PRKN: variants seen among roughly 807,000 people sequenced by gnomAD.
The protein encoded by PRKN is parkin RBR E3 ubiquitin protein ligase.
PRKN carries 56 observed loss-of-function variants against 59.5 expected under a neutral mutation model. The observed-to-expected ratio is 0.94, with a 90% confidence interval of 0.76 to 1.18. The LOEUF is 1.18. Among genes scored for constraint, PRKN ranks in the 50% most tolerant of loss-of-function variants. The pLI, the probability that PRKN is intolerant of heterozygous loss-of-function variation, is 0.00. For missense variants in PRKN, 657 were observed against 596.4 expected (o/e 1.10, Z -1.06); for synonymous variants, 250 against 222.1 (o/e 1.13, Z -1.12).
At chr6:162,450,787 G>C (rs1790589390) in intron 1 of PRKN, among the ~76,000 whole-genome samples, 7 of 152,204 alleles carry the variant, frequency 4.6e-5, no homozygotes, top group Admixed American at 4.6e-4. Context: ...TAAATGCAAT[G>C]TGGTAGCCTG....
intron 4 of PRKN, among the ~76,000 whole-genome samples, chr6:162,077,228 C>A: frequency 6.6e-6 from 1 of 152,118 alleles, no homozygotes; most frequent in East Asian, 1.9e-4. Flanking sequence ...TTACTGTTAC[C>A]TACAGCATTC....
chr6:162,108,956 C>G (rs1233283760), intron 4 of PRKN, among the ~76,000 whole-genome samples: 1 of 152,192 alleles, frequency 6.6e-6, no homozygotes, highest in African/African-American at 2.4e-5. Flanking sequence ...ACTGAAGTGG[C>G]GGTGTACAGC....
intron 7 of PRKN, among the ~76,000 whole-genome samples, chr6:161,715,197 T>C (rs920014636): frequency 1.6e-4 from 24 of 152,216 alleles, no homozygotes; most frequent in African/African-American, 5.5e-4. Context: ...AGGTCCATCA[T>C]TCACTGATAT....
At chr6:161,937,171 C>T (rs1371476975) in intron 6 of PRKN, among the ~76,000 whole-genome samples, 1 of 152,208 alleles carries the variant, frequency 6.6e-6, no homozygotes, top group African/African-American at 2.4e-5. Context: ...GGTTAAATGC[C>T]AGCAGCCTCA....
chr6:162,512,436 C>A (rs998330917), intron 1 of PRKN, among the ~76,000 whole-genome samples: 4 of 152,204 alleles, frequency 2.6e-5, no homozygotes, highest in African/African-American at 9.7e-5. Context: ...ATGCAACTCA[C>A]ATTTTCAGCT....
intron 4 of PRKN, among the ~76,000 whole-genome samples, chr6:162,112,164 A>G (rs539735623): frequency 6.6e-6 from 1 of 152,348 alleles, no homozygotes; most frequent in African/African-American, 2.4e-5. Context: ...GAAAACTCGA[A>G]TATCTTTGCA....
chr6:161,594,540 C>T (rs970769895), intron 7 of PRKN, among the ~76,000 whole-genome samples: 1 of 152,164 alleles, frequency 6.6e-6, no homozygotes, highest in African/African-American at 2.4e-5. Context: ...TATTTTCTCT[C>T]AGATTTTTGT....
chr6:162,153,109 C>T (rs1161926087), intron 4 of PRKN, among the ~76,000 whole-genome samples: 1 of 152,148 alleles, frequency 6.6e-6, no homozygotes, highest in Non-Finnish European at 1.5e-5. Context: ...AGTATTGATG[C>T]AGGATATTTT....
chr6:161,761,695 C>G (rs1789208675), intron 7 of PRKN, among the ~76,000 whole-genome samples: 1 of 152,166 alleles, frequency 6.6e-6, no homozygotes, highest in Admixed American at 6.5e-5. Context: ...GAGCTATAAT[C>G]AGAAAACAGA....
chr6:162,492,956 C>CA lies in PRKN; in HGVS notation c.8-49484dup, dbSNP rs34716532. On this transcript the variant is annotated intron_variant, in intron 1 of 11. Coordinates refer to ENST00000366898, the MANE Select transcript of PRKN (RefSeq NM_004562.3). ...CAACAGAGCGAGACTTTGTCTCAAA[C>CA]AAAAAAAAAAAAAAAAAAAAAGAAG... 9.2e-4 allele frequency among the ~76,000 whole-genome samples: 101 copies of CA among 110,318 alleles called. 1 individual carries two copies. The highest frequency in any genetic ancestry group is 2.5e-3 in the South Asian group (8 of 3,196). 72.4% of individuals were successfully genotyped at this position (110,318 alleles called of 152,430 possible). A position where few individuals can be genotyped will look rare whatever the true frequency, so the allele number is the denominator to read the frequency against.
At chr6:162,201,730 T>C (rs1784740325) in intron 3 of PRKN, among the ~76,000 whole-genome samples, 1 of 152,118 alleles carries the variant, frequency 6.6e-6, no homozygotes, top group Non-Finnish European at 1.5e-5. Flanking sequence ...TTTGCTGGGC[T>C]TCTAGGGTTG....
At chr6:162,702,087 G>C (rs982197909) in intron 1 of PRKN, among the ~76,000 whole-genome samples, 2 of 151,968 alleles carry the variant, frequency 1.3e-5, no homozygotes, top group African/African-American at 2.4e-5. Context: ...AAAATAGGAG[G>C]TGAAAACTAT....
At position 161,488,447 on chromosome 6, in the gene PRKN, G is replaced by C. The variant is rs755697483; in HGVS notation, c.1083+60407C>G. 6.6e-6 allele frequency among the ~76,000 whole-genome samples: 1 copy of C among 152,182 alleles called. No individual in the cohort carries two copies. Among genetic ancestry groups the C allele is most frequent in the East Asian group, 1.9e-4 (1 of 5,192 alleles). ...TTTAAGTAATGTTCACAGAGGAGCA[G>C]AGAAGATAACAGAGACCGAGAAGGA... On this transcript the variant is annotated intron_variant, in intron 9 of 11. Transcript: ENST00000366898. The surrounding 1 kb of genome is among the most constrained non-coding windows in gnomAD (Gnocchi z 4.5).
At chr6:162,196,484 A>C (rs1784501889) in intron 4 of PRKN, among the ~76,000 whole-genome samples, 1 of 152,208 alleles carries the variant, frequency 6.6e-6, no homozygotes, top group South Asian at 2.1e-4. Context: ...TCAGTGGATG[A>C]CTTTTGAAGA....
At chr6:162,428,966 C>G (rs1360340869) in intron 2 of PRKN, among the ~76,000 whole-genome samples, 1 of 152,214 alleles carries the variant, frequency 6.6e-6, no homozygotes, top group Non-Finnish European at 1.5e-5. Flanking sequence ...CCAAGAGAAG[C>G]TTTTCCTAAA....
intron 1 of PRKN, among the ~76,000 whole-genome samples, chr6:162,688,515 C>T (rs1428871032): frequency 2.6e-5 from 4 of 152,104 alleles, no homozygotes; most frequent in Admixed American, 6.5e-5. Flanking sequence ...ATCAATAGTA[C>T]TAGATAATAA....
chr6:162,221,971 T>C (rs1777954356), intron 3 of PRKN, among the ~76,000 whole-genome samples: 1 of 152,176 alleles, frequency 6.6e-6, no homozygotes, highest in South Asian at 2.1e-4. Context: ...ATACACTTTC[T>C]AAGATGACGT....
chr6:162,069,086 G>T lies in PRKN; in HGVS notation c.535-14912C>A, dbSNP rs961602835. 2.0e-5 allele frequency among the ~76,000 whole-genome samples: 3 copies of T among 152,002 alleles called. No homozygotes were observed. The East Asian group carries it at 5.8e-4, about 29-fold the overall frequency. On this transcript the variant is annotated intron_variant, in intron 4 of 11. Transcript: ENST00000366898. Reference sequence around the variant, plus strand: ...ATTTTATAGCTTGGGAGATGATATGGTTTGGCTGTGTCCCCACCCAAATCT... The same window carrying T: ...ATTTTATAGCTTGGGAGATGATATGTTTTGGCTGTGTCCCCACCCAAATCT...
At chr6:162,062,062 A>G (rs1778126321) in intron 4 of PRKN, among the ~76,000 whole-genome samples, 1 of 152,200 alleles carries the variant, frequency 6.6e-6, no homozygotes, top group Non-Finnish European at 1.5e-5. Flanking sequence ...TTCTACTCTT[A>G]GGTAGTCATG....
Sources: gnomAD v4.1 joint callset for allele counts (sites outside exome capture counted in the v4.1 genomes callset) on GRCh38, gnomAD v4.1.1 for gene constraint, Gnocchi (gnomAD v3.1) non-coding constraint, MANE v1.5 for transcripts, NCBI Gene and HGNC (gene_info 2026-07-23, HGNC 2026-07-21) for gene names.